Variants in ADGRL3 observed in about 807,000 individuals in gnomAD.
ADGRL3 encodes calcium-independent alpha-latrotoxin receptor 3.
Under a neutral mutation model 153.5 loss-of-function variants are expected in ADGRL3, and 62 were observed. The observed-to-expected ratio is 0.40, with a 90% CI of 0.33 to 0.50. The LOEUF (loss-of-function observed/expected upper bound fraction) is 0.50. Among genes scored for constraint, ADGRL3 ranks in the 20% least tolerant of loss-of-function variants. The pLI is 0.47. For missense variants in ADGRL3, 1,641 were observed against 1,859.4 expected (o/e 0.88, Z 2.16); for synonymous variants, 710 against 672.5 (o/e 1.06, Z -0.86).
intron 1 of ADGRL3, among the ~76,000 whole-genome samples, chr4:61,308,169 GT>G (rs1302990276): frequency 6.6e-6 from 1 of 152,192 alleles, no homozygotes; most frequent in Non-Finnish European, 1.5e-5. Context: ...CCCTGGAGGG[GT>G]GACGATCATG....
At chr4:61,473,680 A>G (rs1354183063) in intron 2 of ADGRL3, among the ~76,000 whole-genome samples, 4 of 152,134 alleles carry the variant, frequency 2.6e-5, no homozygotes, top group Non-Finnish European at 5.9e-5. Context: ...ATAAGTATTT[A>G]CTCCTATTAT....
chr4:61,851,757 TTG>T (rs150961826), intron 9 of ADGRL3, among the ~76,000 whole-genome samples: 27,678 of 152,048 alleles, frequency 0.18, 3,354 homozygotes, highest in African/African-American at 0.35. Context: ...TATTTTCTTT[TTG>T]TGTGATGTCA....
rs2097171902 is a variant in ADGRL3, at chr4:61,418,799, T to G, written c.-174+35610T>G. ...TTAATATTATTAATTGTGTTAAATG[T>G]TCATGCTTCCATGAGGGCCATTTAA... On this transcript the variant is annotated intron_variant, in intron 2 of 26. Transcript: ENST00000683033. 1.3e-5 allele frequency among the ~76,000 whole-genome samples: 2 copies of G among 150,578 alleles called. 1 individual carries two copies. The highest frequency in any genetic ancestry group is 4.9e-5 in the African/African-American group (2 of 40,422).
chr4:61,822,768 T>C (rs2148748670), intron 9 of ADGRL3, among the ~76,000 whole-genome samples: 1 of 152,284 alleles, frequency 6.6e-6, no homozygotes, highest in African/African-American at 2.4e-5. Context: ...CCTGGTGGTC[T>C]CTAAAGGAGC....
intron 5 of ADGRL3, among the ~76,000 whole-genome samples, chr4:61,603,499 G>C (rs2099020198): frequency 6.6e-6 from 1 of 152,082 alleles, no homozygotes; most frequent in African/African-American, 2.4e-5. Flanking sequence ...AGGTTAAAAG[G>C]CCACAAAGTG....
chr4:62,044,457 G>T lies in ADGRL3; in HGVS notation c.3722G>T (p.Arg1241Leu). The T allele has an allele frequency of 6.3e-7, 1 of 1,585,132 alleles. No individual in the cohort carries two copies. The highest frequency in any genetic ancestry group is 8.6e-7 in the Non-Finnish European group (1 of 1,164,670). ...TCTGCCTTTTCCCCCACCCAGAGCC[G>T]AATCCGTAGAATGTGGAATGACACG... ...PGRYSTGSQS[R>L]IRRMWNDTVR... Residue 1241 changes from arginine to leucine, a missense_variant, in exon 25 of 27, where the codon CGA becomes CTA. Physicochemically the swap from Arg to Leu is moderately radical, Grantham distance 102. Coordinates refer to ENST00000683033, the MANE Select transcript of ADGRL3 (RefSeq NM_001387552.1).
At chr4:61,474,680 C>T (rs2098021195) in intron 2 of ADGRL3, among the ~76,000 whole-genome samples, 2 of 151,810 alleles carry the variant, frequency 1.3e-5, no homozygotes, top group South Asian at 2.1e-4. Flanking sequence ...TTCTTTTTCC[C>T]CTTAAACAGA....
intron 25 of ADGRL3, among the ~76,000 whole-genome samples, chr4:62,063,094 TTTTG>T (rs1257289771): frequency 6.6e-6 from 1 of 152,110 alleles, no homozygotes; most frequent in African/African-American, 2.4e-5. Flanking sequence ...TGAGGGAATG[TTTTG>T]TTTAATTTTT....
chr4:61,449,439 T>C (rs1472198628), intron 2 of ADGRL3, among the ~76,000 whole-genome samples: 1 of 152,042 alleles, frequency 6.6e-6, no homozygotes, highest in African/African-American at 2.4e-5. Flanking sequence ...CCGGCCTATT[T>C]TTTCCATTTT....
At chr4:61,721,100 A>G (rs193121362) in intron 6 of ADGRL3, among the ~76,000 whole-genome samples, 52 of 152,322 alleles carry the variant, frequency 3.4e-4, no homozygotes, top group Non-Finnish European at 6.2e-4. Flanking sequence ...ATAAGGAGGA[A>G]TTCCACAGAT....
chr4:61,452,526 T>A (rs149514735), intron 2 of ADGRL3, among the ~76,000 whole-genome samples: 1 of 152,324 alleles, frequency 6.6e-6, no homozygotes, highest in East Asian at 1.9e-4. Context: ...GGCAAACTGT[T>A]GTTCTTTGTT....
chr4:61,637,237 G>C (rs1471470888), intron 5 of ADGRL3, among the ~76,000 whole-genome samples: 1 of 152,170 alleles, frequency 6.6e-6, no homozygotes, highest in East Asian at 1.9e-4. Flanking sequence ...AATATGACTT[G>C]TGTCCTTTTA....
chr4:61,950,413 G>A (rs1415715702), intron 17 of ADGRL3, among the ~76,000 whole-genome samples: 1 of 152,160 alleles, frequency 6.6e-6, no homozygotes, highest in African/African-American at 2.4e-5. Context: ...AGCCAGAAAA[G>A]TTGTGAAGAA....
rs76929872 is a variant in ADGRL3, at chr4:61,404,630, T to G, written c.-174+21441T>G. ...GAGAAGTGAGAACACTCTTTAAATA[T>G]GTCAATTTTAAAAAATTACCACCCT... On this transcript the variant is annotated intron_variant, in intron 2 of 26. Transcript: ENST00000683033. Among the ~76,000 whole-genome samples the G allele has an allele frequency of 5.6e-3, 858 of 152,210 alleles. 11 individuals are homozygous for G. The highest frequency in any genetic ancestry group is 0.019 in the African/African-American group (808 of 41,540).
intron 18 of ADGRL3, among the ~76,000 whole-genome samples, chr4:61,982,304 T>G (rs899640091): frequency 7.9e-5 from 12 of 152,186 alleles, no homozygotes; most frequent in Admixed American, 2.6e-4. Context: ...GCAAAACTTG[T>G]CTTTACTCTC....
intron 9 of ADGRL3, among the ~76,000 whole-genome samples, chr4:61,846,330 A>T (rs1347957449): frequency 1.3e-5 from 2 of 151,864 alleles, no homozygotes; most frequent in Non-Finnish European, 1.5e-5. Context: ...AAAAAAAAAA[A>T]TTCATAAAGT....
At chr4:61,594,440 T>C (rs558854299) in intron 5 of ADGRL3, among the ~76,000 whole-genome samples, 1 of 152,292 alleles carries the variant, frequency 6.6e-6, no homozygotes, top group East Asian at 1.9e-4. Context: ...TTTGTGCCTG[T>C]CCTTCTTGGG....
chr4:61,539,813 C>T (rs138676557), intron 4 of ADGRL3, among the ~76,000 whole-genome samples: 15 of 152,096 alleles, frequency 9.9e-5, no homozygotes, highest in Non-Finnish European at 1.9e-4. Flanking sequence ...GAAGCACCCC[C>T]ACCTACCCTT....
At chr4:61,292,782 T>C (rs2094269624) in intron 1 of ADGRL3, among the ~76,000 whole-genome samples, 1 of 151,392 alleles carries the variant, frequency 6.6e-6, no homozygotes. Context: ...TTAGATGCTT[T>C]TTATGTTCTT....
Sources: gnomAD v4.1 joint callset for allele counts (sites outside exome capture counted in the v4.1 genomes callset) on GRCh38, gnomAD v4.1.1 for gene constraint, MANE v1.5 for transcripts, NCBI Gene and HGNC (gene_info 2026-07-23, HGNC 2026-07-21) for gene names.